ZNF229: variants seen among roughly 807,000 people sequenced by gnomAD.
ZNF229 encodes the protein zinc finger protein 229.
Under a neutral mutation model 11.8 loss-of-function variants are expected in ZNF229, and 10 were observed. That is an observed-to-expected ratio of 0.85 (90% CI 0.52 to 1.44). The LOEUF (loss-of-function observed/expected upper bound fraction) is 1.44, where lower values mean the gene tolerates loss of function less well. ZNF229 is among the 40% of genes most tolerant of loss of function. The pLI is 0.00. For missense variants in ZNF229, 1,045 were observed against 1,015.1 expected (o/e 1.03, Z -0.40); for synonymous variants, 368 against 374.8 (o/e 0.98, Z 0.21).
chr19:44,448,543 G>C (rs1260653114), upstream of ZNF229: 1 of 152,156 alleles, frequency 6.6e-6, no homozygotes, highest in Non-Finnish European at 1.5e-5. Flanking sequence ...CCTCCGCAGC[G>C]CAGTCCGATC....
rs1268406934 is a variant in ZNF229 at position 44,426,627 on chromosome 19, C to A, written c.*1676G>T. The stretch of plus-strand genomic sequence containing the variant: ...TTTCCATTGCATACATATGCCTGAA[C>A]TTATCTAAAAAATTTCCTACCAATG... On this transcript the variant is annotated 3_prime_UTR_variant, in exon 6 of 6. Coordinates refer to ENST00000614049, the MANE Select transcript of ZNF229 (RefSeq NM_014518.4). The A allele has an allele frequency of 6.6e-6, 1 of 152,138 alleles. No homozygotes were observed. The allele number at this position is 152,138 out of a possible 1,614,324, so 9.4% of individuals were successfully genotyped here. A position where few individuals can be genotyped will look rare whatever the true frequency, so the allele number is the denominator to read the frequency against.
Position 44,435,234 on chromosome 19 carries a change from G to T in ZNF229, c.94-2868C>A, listed in dbSNP as rs546672283. ...AATGTTAGGCACCAGGAATTAGAGA[G>T]ATGAGCCAAAAAGCTAGAGTTTCAT... On this transcript the variant is annotated intron_variant, in intron 4 of 5. Coordinates refer to ENST00000614049, the MANE Select transcript of ZNF229 (RefSeq NM_014518.4). 2.2e-4 allele frequency among the ~76,000 whole-genome samples: 34 copies of T among 152,302 alleles called. 1 individual carries two copies. Among genetic ancestry groups the T allele is most frequent in the Admixed American group, 1.2e-3 (19 of 15,302 alleles).
chr19:44,429,202 T>C lies in ZNF229; in HGVS notation c.1579A>G (p.Ser527Gly). 1 of 1,614,084 alleles carries C rather than the reference T, an allele frequency of 6.2e-7. No individual in the cohort carries two copies. Among genetic ancestry groups the C allele is most frequent in the Non-Finnish European group, 8.5e-7 (1 of 1,180,026 alleles). Reference protein sequence around the residue: ...YKCNVCGKSFSYSSGLLMHQR... With the variant: ...YKCNVCGKSFGYSSGLLMHQR... ...TGCATGAGAAGCCCTGAGCTGTAAC[T>C]GAAACTCTTACCACACACGTTACAT... The change falls in exon 6 of 6, where the codon AGT (serine) becomes GGT (glycine). Residue 527 changes from serine to glycine, a missense_variant. By Grantham distance (56) the Ser-to-Gly change is moderately conservative. Transcript: ENST00000614049.
chr19:44,430,550 G>A lies in ZNF229; in HGVS notation c.239-8C>T, dbSNP rs1324269738. ...CCTTTCCATTCTTGTCTCCTATGAG[G>A]TTAAAGACAATTCAGAGATGAGAAC... On this transcript the variant is annotated splice_region_variant and splice_polypyrimidine_tract_variant and intron_variant, in intron 5 of 5. Transcript: ENST00000614049. 13 of 1,601,974 alleles carry A rather than the reference G, an allele frequency of 8.1e-6. No individual in the cohort carries two copies. Among genetic ancestry groups the A allele is most frequent in the Non-Finnish European group, 1.1e-5 (13 of 1,173,448 alleles).
chr19:44,445,342 T>A (rs148008138), intron 2 of ZNF229, among the ~76,000 whole-genome samples: 271 of 152,326 alleles, frequency 1.8e-3, no homozygotes, highest in Non-Finnish European at 3.1e-3. Context: ...ACTCATATTC[T>A]TCTCTGGCCA....
chr19:44,436,811 T>A (rs777529240), intron 4 of ZNF229, among the ~76,000 whole-genome samples: 20 of 152,112 alleles, frequency 1.3e-4, no homozygotes, highest in Non-Finnish European at 2.8e-4. Flanking sequence ...AGTAACTCGG[T>A]GAACCAGAGC....
At chr19:44,441,796 T>C (rs866712622) in intron 4 of ZNF229, among the ~76,000 whole-genome samples, 17 of 152,244 alleles carry the variant, frequency 1.1e-4, no homozygotes, top group Middle Eastern at 3.4e-3. Flanking sequence ...ATTCTTAGAG[T>C]GGGAAATGCT....
rs1971943057 is a variant in ZNF229 at position 44,442,997 on chromosome 19, G to T, written c.-150C>A. The T allele has an allele frequency of 1.0e-5, 9 of 902,358 alleles. No individual in the cohort carries two copies. The South Asian group carries it at 1.1e-4, about 11-fold the overall frequency. 55.9% of individuals were successfully genotyped at this position (902,358 alleles called of 1,614,324 possible). A position where few individuals can be genotyped will look rare whatever the true frequency, so the allele number is the denominator to read the frequency against. ...CCTGTCTCCACCTTTACTGTCCAGA[G>T]CGCGACTGCTTCCCATGGTCAGGGG... On this transcript the variant is annotated 5_prime_UTR_variant, in exon 3 of 6. Coordinates refer to ENST00000614049, the MANE Select transcript of ZNF229 (RefSeq NM_014518.4).
At position 44,430,278 on chromosome 19, in the gene ZNF229, A is replaced by G. The variant is rs1357062938; in HGVS notation, c.503T>C (p.Leu168Pro). The G allele has an allele frequency of 6.2e-7, 1 of 1,614,152 alleles. No individual in the cohort carries two copies. The highest frequency in any genetic ancestry group is 8.5e-7 in the Non-Finnish European group (1 of 1,180,040). The change falls in exon 6 of 6, where the codon CTA (leucine) becomes CCA (proline). Residue 168 changes from leucine (L) to proline (P), a missense_variant. Coordinates refer to ENST00000614049, the MANE Select transcript of ZNF229 (RefSeq NM_014518.4). ...CCAGGCTGGAAACTGTTGATTTTCT[A>G]GACCGATAAGCCCATCCCCTTGTAG... ...DSLQGDGLIG[L>P]ENQQFPAWRA...
intron 4 of ZNF229, among the ~76,000 whole-genome samples, chr19:44,442,141 T>G (rs547795162): frequency 7.2e-6 from 1 of 138,512 alleles, no homozygotes; most frequent in Admixed American, 7.2e-5. Context: ...TTTAACTTTG[T>G]GCATGGTATA....
rs1971613019 is a variant in ZNF229, at chr19:44,428,162, T to A, written c.*141A>T. On this transcript the variant is annotated 3_prime_UTR_variant, in exon 6 of 6. Transcript: ENST00000614049. Reference sequence around the variant, plus strand: ...ATTTATCACACATCCAGGTGTTCCCTTCCTATGCAGACTAGAAAATGTAAA... The same window carrying A: ...ATTTATCACACATCCAGGTGTTCCCATCCTATGCAGACTAGAAAATGTAAA... 1.7e-5 allele frequency: 16 copies of A among 931,666 alleles called. No homozygotes were observed. Among genetic ancestry groups the A allele is most frequent in the Non-Finnish European group, 2.5e-5 (16 of 632,094 alleles). The allele number at this position is 931,666 out of a possible 1,614,324, so 57.7% of individuals were successfully genotyped here. A position where few individuals can be genotyped will look rare whatever the true frequency, so the allele number is the denominator to read the frequency against.
chr19:44,446,057 C>G (rs930783170), intron 2 of ZNF229, among the ~76,000 whole-genome samples: 2 of 152,164 alleles, frequency 1.3e-5, no homozygotes, highest in African/African-American at 4.8e-5. Context: ...TACTGTGTTC[C>G]ATGTGCTTAG....
At chr19:44,435,758 A>C (rs1312592032) in intron 4 of ZNF229, among the ~76,000 whole-genome samples, 1 of 152,222 alleles carries the variant, frequency 6.6e-6, no homozygotes, top group Admixed American at 6.5e-5. Flanking sequence ...CTAAATTCTG[A>C]GGCATAAGTA....
chr19:44,442,400 G>C (rs1456457328), intron 4 of ZNF229, among the ~76,000 whole-genome samples, 163 bp downstream of exon 4: 1 of 152,148 alleles, frequency 6.6e-6, no homozygotes, highest in African/African-American at 2.4e-5. Context: ...CTCTAAAACA[G>C]AATCATACTA....
chr19:44,434,872 A>C (rs1971785133), intron 4 of ZNF229, among the ~76,000 whole-genome samples: 1 of 152,144 alleles, frequency 6.6e-6, no homozygotes, highest in Non-Finnish European at 1.5e-5. Flanking sequence ...CATAATTCCC[A>C]CGTGTTATGG....
At chr19:44,434,365 C>G (rs906975191) in intron 4 of ZNF229, among the ~76,000 whole-genome samples, 3 of 152,104 alleles carry the variant, frequency 2.0e-5, no homozygotes, top group African/African-American at 7.3e-5. Context: ...AAGGGACTTC[C>G]ATGTCAACAA....
At chr19:44,435,748 C>A (rs778604138) in intron 4 of ZNF229, among the ~76,000 whole-genome samples, 11 of 152,290 alleles carry the variant, frequency 7.2e-5, no homozygotes, top group African/African-American at 2.6e-4. Context: ...AAAACTGGAT[C>A]TAAATTCTGA....
intron 4 of ZNF229, among the ~76,000 whole-genome samples, chr19:44,441,145 T>A (rs974759439): frequency 6.6e-6 from 1 of 152,066 alleles, no homozygotes; most frequent in African/African-American, 2.4e-5. Flanking sequence ...TAAATTCAAG[T>A]AAGAAAGTTG....
chr19:44,428,554 G>A lies in ZNF229; in HGVS notation c.2227C>T (p.His743Tyr), dbSNP rs765654844. 1.9e-5 allele frequency: 30 copies of A among 1,609,402 alleles called. No homozygotes were observed. The South Asian group carries it at 3.3e-4, about 18-fold the overall frequency. ...VHTGEKPYRC[H>Y]VCGKGYSQSS... ...TGACTATAGCCCTTCCCACACACGT[G>A]GCATCTGTATGGCTTCTCGCCAGTG... The change falls in exon 6 of 6, where the codon CAC (histidine) becomes TAC (tyrosine). Residue 743 changes from histidine (H) to tyrosine (Y), a missense_variant. By Grantham distance (83) the His-to-Tyr change is moderately conservative. Coordinates refer to ENST00000614049, the MANE Select transcript of ZNF229 (RefSeq NM_014518.4).
Sources: allele counts gnomAD v4.1 joint callset (sites outside exome capture counted in the v4.1 genomes callset), GRCh38; gene constraint gnomAD v4.1.1; transcripts MANE v1.5; gene names NCBI Gene and HGNC (gene_info 2026-07-23, HGNC 2026-07-21).